Variants in MME observed in about 807,000 individuals in gnomAD.
The protein encoded by MME is membrane metalloendopeptidase, also known as neprilysin.
In MME, 98 loss-of-function variants were observed where a neutral mutation model predicts 113.2. The observed-to-expected ratio is 0.87, with a 90% CI of 0.74 to 1.02. The LOEUF is 1.02. Among genes scored for constraint, MME ranks in the 50% least tolerant of loss-of-function variants. The pLI is 0.00. For missense variants in MME, 836 were observed against 896.0 expected (o/e 0.93, Z 0.86); for synonymous variants, 292 against 300.6 (o/e 0.97, Z 0.30).
Position 155,172,099 on chromosome 3 carries a change from A to G in MME, c.1981-18A>G. The G allele has an allele frequency of 2.1e-6, 3 of 1,433,436 alleles. No individual in the cohort carries two copies. The highest frequency in any genetic ancestry group is 3.0e-6 in the Non-Finnish European group (3 of 1,016,430). 88.8% of individuals were successfully genotyped at this position (1,433,436 alleles called of 1,614,324 possible). A position where few individuals can be genotyped will look rare whatever the true frequency, so the allele number is the denominator to read the frequency against. On this transcript the variant is annotated intron_variant, in intron 20 of 22. Transcript: ENST00000360490. The stretch of plus-strand genomic sequence containing the variant: ...TAGGAATTAATATTATTGTTTTTCT[A>G]TTTTATCAACTGCCTAGGCCTATCA...
chr3:155,085,406 C>T (rs183572681), intron 3 of MME: 6 of 202,170 alleles, frequency 3.0e-5, no homozygotes, highest in Admixed American at 2.9e-4. Context: ...TGGTAAGTTT[C>T]GTATCATTGT....
At chr3:155,152,397 T>C (rs1390082279) in intron 16 of MME, among the ~76,000 whole-genome samples, 1 of 152,162 alleles carries the variant, frequency 6.6e-6, no homozygotes. Flanking sequence ...CTAGCCCCTA[T>C]TGAAAGCAAA....
At chr3:155,110,236 G>A (rs1334637777) in intron 3 of MME, among the ~76,000 whole-genome samples, 1 of 152,242 alleles carries the variant, frequency 6.6e-6, no homozygotes, top group Non-Finnish European at 1.5e-5. Context: ...TCAAAGCAGG[G>A]AGGGAAGAGT....
chr3:155,128,507 G>C (rs2108284185), intron 8 of MME, among the ~76,000 whole-genome samples: 1 of 152,248 alleles, frequency 6.6e-6, no homozygotes, highest in Non-Finnish European at 1.5e-5. Context: ...AATCTGGAAG[G>C]AATGTTAATG....
intron 3 of MME, among the ~76,000 whole-genome samples, chr3:155,092,349 G>A (rs6763852): frequency 0.17 from 26,097 of 152,168 alleles, 2,966 homozygotes; most frequent in Non-Finnish European, 0.26. Context: ...GTGAGGATGC[G>A]GAGAAACTGA....
intron 1 of MME, among the ~76,000 whole-genome samples, chr3:155,047,828 C>A (rs535331917): frequency 6.6e-6 from 1 of 152,078 alleles, no homozygotes; most frequent in Non-Finnish European, 1.5e-5. Context: ...AGAAGCCAGT[C>A]CGATTCAGGC....
intron 3 of MME, among the ~76,000 whole-genome samples, chr3:155,087,540 G>T (rs1715870906): frequency 1.3e-5 from 2 of 152,038 alleles, no homozygotes; most frequent in African/African-American, 4.8e-5. Flanking sequence ...ATCCTCCTAT[G>T]CTTCCTCTCT....
At chr3:155,055,245 C>T (rs1713885876) in intron 1 of MME, among the ~76,000 whole-genome samples, 2 of 152,168 alleles carry the variant, frequency 1.3e-5, no homozygotes, top group African/African-American at 4.8e-5. Context: ...ACTAAAACTA[C>T]ACACAACAAT....
intron 8 of MME, among the ~76,000 whole-genome samples, chr3:155,128,552 TTA>T (rs1719877092): frequency 6.6e-6 from 1 of 152,146 alleles, no homozygotes; most frequent in South Asian, 2.1e-4. Context: ...ATTTTCTCCC[TTA>T]TAGGCTTTTA....
chr3:155,035,855 A>C (rs947421511), intron 1 of MME, among the ~76,000 whole-genome samples: 1 of 152,270 alleles, frequency 6.6e-6, no homozygotes, highest in East Asian at 1.9e-4. Flanking sequence ...TTGCCAGTGG[A>C]GAGTTCTGAG....
intron 14 of MME, among the ~76,000 whole-genome samples, chr3:155,145,993 C>A (rs1218056595): frequency 1.3e-5 from 2 of 151,952 alleles, no homozygotes; most frequent in Non-Finnish European, 2.9e-5. Context: ...AAAACTGCAT[C>A]CATTTGATGG....
chr3:155,061,425 T>G (rs1282329988), intron 1 of MME, among the ~76,000 whole-genome samples: 2 of 125,064 alleles, frequency 1.6e-5, no homozygotes, highest in African/African-American at 6.3e-5. Context: ...CACTCCAACC[T>G]GGGCGACAGA....
chr3:155,095,272 G>T (rs897936608), intron 3 of MME, among the ~76,000 whole-genome samples: 7 of 152,198 alleles, frequency 4.6e-5, no homozygotes, highest in Non-Finnish European at 7.3e-5. Flanking sequence ...TTAAAAGAAG[G>T]TACATATTGA....
chr3:155,050,100 C>T (rs1250117115), intron 1 of MME, among the ~76,000 whole-genome samples: 1 of 152,100 alleles, frequency 6.6e-6, no homozygotes, highest in African/African-American at 2.4e-5. Context: ...TTTTCTCTTC[C>T]TGCATTAGTT....
intron 8 of MME, among the ~76,000 whole-genome samples, chr3:155,128,978 T>C (rs1028039243): frequency 6.6e-6 from 1 of 152,218 alleles, no homozygotes; most frequent in African/African-American, 2.4e-5. Flanking sequence ...CTTTTCTCTT[T>C]TCAATCCCCA....
At chr3:155,111,329 G>C (rs1438443164) in intron 3 of MME, among the ~76,000 whole-genome samples, 1 of 152,210 alleles carries the variant, frequency 6.6e-6, no homozygotes, top group Non-Finnish European at 1.5e-5. Flanking sequence ...ATATTCATCA[G>C]AACAGAGAGC....
chr3:155,053,589 G>A (rs2108129628), intron 1 of MME, among the ~76,000 whole-genome samples: 1 of 152,188 alleles, frequency 6.6e-6, no homozygotes, highest in South Asian at 2.1e-4. Flanking sequence ...GGGATTATGG[G>A]AATTACAATT....
intron 12 of MME, 104 bp from the exon 13 acceptor site, chr3:155,143,339 G>A: frequency 7.5e-7 from 1 of 1,327,270 alleles, no homozygotes. Flanking sequence ...GAGAAGTGAT[G>A]AATATTTCAA....
At chr3:155,028,525 G>A (rs1003067368) in intron 1 of MME, among the ~76,000 whole-genome samples, 2 of 152,140 alleles carry the variant, frequency 1.3e-5, no homozygotes, top group African/African-American at 2.4e-5. Flanking sequence ...ACATTTCTAC[G>A]TTTATGTCTG....
Sources: gnomAD v4.1 joint callset for allele counts (sites outside exome capture counted in the v4.1 genomes callset) on GRCh38, gnomAD v4.1.1 for gene constraint, MANE v1.5 for transcripts, NCBI Gene and HGNC (gene_info 2026-07-23, HGNC 2026-07-21) for gene names.